SS18L2: variants seen among roughly 807,000 people sequenced by gnomAD.
SS18L2 encodes the protein SS18 like 2.
A neutral mutation model predicts 10.3 loss-of-function variants in SS18L2; 8 were observed. The ratio of observed to expected loss-of-function variants is 0.78; its 90% confidence interval spans 0.46 to 1.41. The LOEUF (loss-of-function observed/expected upper bound fraction) is 1.41. Among genes scored for constraint, SS18L2 ranks in the 40% most tolerant of loss-of-function variants. The pLI, the probability that SS18L2 is intolerant of heterozygous loss-of-function variation, is 0.00. For synonymous variants in SS18L2, 41 were observed against 34.6 expected, an observed-to-expected ratio of 1.19 and a Z score of -0.65; for missense variants, 100 against 96.2, an observed-to-expected ratio of 1.04 and a Z score of -0.17.
chr3:42,591,100 G>T (rs966862101), intron 1 of SS18L2, 134 bp downstream of exon 1: 1 of 1,026,596 alleles, frequency 9.7e-7, no homozygotes, highest in African/African-American at 1.6e-5. Context: ...GGGGTGCGGG[G>T]TGAGATGGGC....
intron 2 of SS18L2, among the ~76,000 whole-genome samples, chr3:42,593,892 C>T (rs597498): frequency 0.45 from 68,792 of 151,774 alleles, 18,326 homozygotes; most frequent in African/African-American, 0.74. Flanking sequence ...GTGGAAAAGC[C>T]CCCTAGTAGG....
upstream of SS18L2, among the ~76,000 whole-genome samples, chr3:42,588,204 C>T (rs1245682359): frequency 2.6e-5 from 4 of 152,018 alleles, no homozygotes; most frequent in Non-Finnish European, 5.9e-5. Context: ...GAGTTCAAGA[C>T]CAGCCTGGCC....
chr3:42,584,589 G>T (rs946724778), intron 1 of SS18L2, among the ~76,000 whole-genome samples: 2 of 152,122 alleles, frequency 1.3e-5, no homozygotes, highest in African/African-American at 4.8e-5. Flanking sequence ...GCATCATATG[G>T]GCGGAAATCG....
At chr3:42,586,674 G>C (rs760822631), upstream of SS18L2, among the ~76,000 whole-genome samples, 31 of 151,418 alleles carry the variant, frequency 2.0e-4, no homozygotes, top group Non-Finnish European at 3.5e-4. Flanking sequence ...CTCCATTGCA[G>C]CTTCTTTTCC....
At chr3:42,587,023 G>T (rs960121567), upstream of SS18L2, among the ~76,000 whole-genome samples, 1 of 152,048 alleles carries the variant, frequency 6.6e-6, no homozygotes, top group Admixed American at 6.6e-5. Flanking sequence ...TGATCACTAA[G>T]GCCTGCCAAA....
rs1017784147 is a variant in SS18L2, at chr3:42,594,526, G to T, written c.*17G>T. 1 of 1,604,786 alleles carries T rather than the reference G, an allele frequency of 6.2e-7. No homozygotes were observed. Among genetic ancestry groups the T allele is most frequent in the Non-Finnish European group, 8.5e-7 (1 of 1,172,136 alleles). On this transcript the variant is annotated 3_prime_UTR_variant, in exon 3 of 3. Transcript: ENST00000011691. ...ATGGAATAATCTTTCAAAAGCAATAGAATAATCTTCCATTTGGCTGTCGTG... is the reference window on the plus strand; with the variant it reads ...ATGGAATAATCTTTCAAAAGCAATATAATAATCTTCCATTTGGCTGTCGTG...
chr3:42,586,966 G>A (rs1704633196), upstream of SS18L2, among the ~76,000 whole-genome samples: 1 of 152,078 alleles, frequency 6.6e-6, no homozygotes, highest in African/African-American at 2.4e-5. Flanking sequence ...GCTTAACCCA[G>A]AACCCCAGAA....
At position 42,592,509 on chromosome 3, in the gene SS18L2, T is replaced by C. The variant is rs143965409; in HGVS notation, c.146+908T>C. Reference sequence around the variant, plus strand: ...GCCACCACGGCCGACCTTATGCCCATTTCTTATAGAAAAATATATTATTTC... The same window carrying C: ...GCCACCACGGCCGACCTTATGCCCACTTCTTATAGAAAAATATATTATTTC... On this transcript the variant is annotated intron_variant, in intron 2 of 2. Coordinates refer to ENST00000011691, the MANE Select transcript of SS18L2 (RefSeq NM_001370300.1). Among the ~76,000 whole-genome samples, 309 of 152,312 alleles carry C rather than the reference T, an allele frequency of 2.0e-3. 1 individual carries two copies. The highest frequency in any genetic ancestry group is 6.8e-3 in the Middle Eastern group (2 of 294).
At chr3:42,588,674 T>A (rs548221643), upstream of SS18L2, among the ~76,000 whole-genome samples, 2 of 152,322 alleles carry the variant, frequency 1.3e-5, no homozygotes, top group Admixed American at 6.5e-5. Flanking sequence ...TTCATGCCCA[T>A]AATCCCAGGG....
At chr3:42,585,042 T>A (rs1704566958) in intron 1 of SS18L2, among the ~76,000 whole-genome samples, 1 of 152,056 alleles carries the variant, frequency 6.6e-6, no homozygotes, top group African/African-American at 2.4e-5. Flanking sequence ...GGCAGGAGAA[T>A]CACTTGAACC....
chr3:42,586,500 G>A (rs1704613259), upstream of SS18L2, among the ~76,000 whole-genome samples: 1 of 151,846 alleles, frequency 6.6e-6, no homozygotes, highest in Non-Finnish European at 1.5e-5. Flanking sequence ...TGGCATTACA[G>A]GTGTGAGCCA....
At chr3:42,588,404 C>T (rs1033852591), upstream of SS18L2, among the ~76,000 whole-genome samples, 19 of 151,998 alleles carry the variant, frequency 1.3e-4, no homozygotes, top group African/African-American at 3.4e-4. Context: ...GACTTTGTAT[C>T]AAAAAACAAC....
intron 1 of SS18L2, chr3:42,582,075 G>GC (rs980521152): frequency 2.2e-4 from 33 of 152,394 alleles, no homozygotes; most frequent in African/African-American, 7.5e-4. Flanking sequence ...CGCCTCCACA[G>GC]CCCCCGTCCC....
Position 42,594,817 on chromosome 3 carries a change from T to G in SS18L2, c.*308T>G. 1 of 199,588 alleles carries G rather than the reference T, an allele frequency of 5.0e-6. No individual in the cohort carries two copies. Among genetic ancestry groups the G allele is most frequent in the Non-Finnish European group, 1.0e-5 (1 of 98,158 alleles). 12.4% of individuals were successfully genotyped at this position (199,588 alleles called of 1,614,324 possible). A position where few individuals can be genotyped will look rare whatever the true frequency, so the allele number is the denominator to read the frequency against. On this transcript the variant is annotated 3_prime_UTR_variant, in exon 3 of 3. Transcript: ENST00000011691. ...CACTGGGATGTTCAAGTCTACTTTT[T>G]AGTTTCAACCTGAAGAGGAAACTCA...
chr3:42,595,184 CAG>C lies in SS18L2; in HGVS notation c.*677_*678del, dbSNP rs1356603067. On this transcript the variant is annotated 3_prime_UTR_variant, in exon 3 of 3. Coordinates refer to ENST00000011691, the MANE Select transcript of SS18L2 (RefSeq NM_001370300.1). ...ATGATGTTTAATTTTCTTCAGTTAT[CAG>C]ATAGTCTTTTTGTTGATTTGTCTGA... The C allele has an allele frequency of 6.6e-6, 1 of 152,134 alleles. No homozygotes were observed. Among genetic ancestry groups the C allele is most frequent in the African/African-American group, 2.4e-5 (1 of 41,424 alleles). 9.4% of individuals were successfully genotyped at this position (152,134 alleles called of 1,614,324 possible). A position where few individuals can be genotyped will look rare whatever the true frequency, so the allele number is the denominator to read the frequency against.
chr3:42,594,248 G>C (rs1000047793), intron 2 of SS18L2, among the ~76,000 whole-genome samples, 174 bp from the exon 3 acceptor site: 1 of 152,196 alleles, frequency 6.6e-6, no homozygotes, highest in Non-Finnish European at 1.5e-5. Context: ...CAGTAAGAAT[G>C]GGTGAGAATC....
At chr3:42,590,826 A>C, upstream of SS18L2, 1 of 1,512,716 alleles carries the variant, frequency 6.6e-7, no homozygotes, top group Non-Finnish European at 9.2e-7. Flanking sequence ...CATCCAATCA[A>C]CTTCGAGAGC....
chr3:42,589,195 GGAGGCA>G (rs1196988561), upstream of SS18L2, among the ~76,000 whole-genome samples: 2 of 150,722 alleles, frequency 1.3e-5, no homozygotes, highest in Non-Finnish European at 3.0e-5. Flanking sequence ...CTTGAACCCG[GGAGGCA>G]GAGGTTGCAG....
At chr3:42,590,783 C>A, upstream of SS18L2, 1 of 1,062,302 alleles carries the variant, frequency 9.4e-7, no homozygotes, top group Non-Finnish European at 1.5e-6. Context: ...TCACAAATGA[C>A]GTCCCTTCTG....
Sources: gnomAD v4.1 joint callset for allele counts (sites outside exome capture counted in the v4.1 genomes callset) on GRCh38, gnomAD v4.1.1 for gene constraint, MANE v1.5 for transcripts, NCBI Gene and HGNC (gene_info 2026-07-23, HGNC 2026-07-21) for gene names.